Variants in SULT6B1 observed in about 807,000 individuals in gnomAD.
SULT6B1 encodes sulfotransferase family 6B member 1.
Under a neutral mutation model 37.2 loss-of-function variants are expected in SULT6B1, and 44 were observed. That is an observed-to-expected ratio of 1.18 (90% CI 0.93 to 1.52). SULT6B1 has a LOEUF of 1.52. Ranked by LOEUF, SULT6B1 falls within the 40% of genes most tolerant of loss-of-function variation. SULT6B1 has a pLI of 0.00. For synonymous variants in SULT6B1, 140 were observed against 126.0 expected, an observed-to-expected ratio of 1.11 and a Z score of -0.74; for missense variants, 450 against 361.0, an observed-to-expected ratio of 1.25 and a Z score of -2.00.
At position 37,167,958 on chromosome 2, in the gene SULT6B1, A is replaced by G; in HGVS notation, c.889T>C (p.Tyr297His). 2 of 1,597,492 alleles carry G rather than the reference A, an allele frequency of 1.3e-6. No individual in the cohort carries two copies. Among genetic ancestry groups the G allele is most frequent in the Non-Finnish European group, 1.7e-6 (2 of 1,176,286 alleles). ...AGTSLGAKLKYESYCQG is the reference protein window; with the variant it reads ...AGTSLGAKLKHESYCQG ...AATCAACCCTGGCAATATGATTCAT[A>G]CTTCAACTTTGCTCCGAGGGAGGTG... is the stretch of plus-strand genomic sequence containing the variant. The change falls in exon 7 of 7, where the codon TAT (tyrosine) becomes CAT (histidine). Residue 297 changes from tyrosine (Y) to histidine (H), a missense_variant. Coordinates refer to ENST00000535679, the MANE Select transcript of SULT6B1 (RefSeq NM_001367551.1).
At chr2:37,189,465 A>C (rs778140244), upstream of SULT6B1, among the ~76,000 whole-genome samples, 5 of 152,236 alleles carry the variant, frequency 3.3e-5, no homozygotes, top group Admixed American at 6.5e-5. Context: ...CTTCAAGTAC[A>C]AGTGCAAAAT....
chr2:37,191,287 T>A (rs1016520938), upstream of SULT6B1: 2 of 151,776 alleles, frequency 1.3e-5, no homozygotes, highest in African/African-American at 4.8e-5. Context: ...AAAAATCTTA[T>A]TTTCTGAGGA....
chr2:37,173,016 C>A (rs1225972350), intron 5 of SULT6B1, among the ~76,000 whole-genome samples: 1 of 151,758 alleles, frequency 6.6e-6, no homozygotes. Context: ...CCACACCCAG[C>A]TAATTTTTGT....
At chr2:37,180,211 G>T (rs901304833) in intron 3 of SULT6B1, among the ~76,000 whole-genome samples, 21 of 152,328 alleles carry the variant, frequency 1.4e-4, no homozygotes, top group Admixed American at 9.1e-4. Flanking sequence ...TCTATTTCAA[G>T]AACTGAGGAA....
chr2:37,169,786 T>G (rs1676256892), intron 6 of SULT6B1, among the ~76,000 whole-genome samples: 1 of 152,128 alleles, frequency 6.6e-6, no homozygotes, highest in African/African-American at 2.4e-5. Context: ...AGCCACCATG[T>G]CCGGCCTTAG....
Position 37,183,513 on chromosome 2 carries a change from C to G in SULT6B1, c.314G>C (p.Arg105Thr). 1.2e-6 allele frequency: 2 copies of G among 1,612,730 alleles called. No homozygotes were observed. Among genetic ancestry groups the G allele is most frequent in the Non-Finnish European group, 1.7e-6 (2 of 1,178,762 alleles). The stretch of plus-strand genomic sequence containing the variant: ...CCTTGGTGATGGAAAGCCTTTCATT[C>G]TCTTAAAAATATACACAAAAAGGTG... Reference protein sequence around the residue: ...LECGDSEKYQRMKGFPSPRIL... With the variant: ...LECGDSEKYQTMKGFPSPRIL... The change falls in exon 3 of 7, where the codon AGA becomes ACA. Residue 105 changes from arginine (R) to threonine (T), a missense_variant and splice_region_variant. By Grantham distance (71) the Arg-to-Thr change is moderately conservative (BLOSUM62 -1). Transcript: ENST00000535679.
intron 1 of SULT6B1, 98 bp from the exon 2 acceptor site, chr2:37,187,565 A>T (rs1397922646): frequency 1.6e-6 from 1 of 641,002 alleles, no homozygotes; most frequent in Non-Finnish European, 2.6e-6. Context: ...AAAATCTACA[A>T]CCATTCCCTG....
intron 1 of SULT6B1, among the ~76,000 whole-genome samples, chr2:37,195,502 G>A (rs544893272): frequency 6.6e-6 from 1 of 152,280 alleles, no homozygotes; most frequent in Admixed American, 6.5e-5. Context: ...TTTACTTGGC[G>A]TGGACAGAGT....
Position 37,188,572 on chromosome 2 carries a change from G to T in SULT6B1, c.69C>A (p.Leu23=). 6.3e-7 allele frequency: 1 copy of T among 1,586,458 alleles called. No individual in the cohort carries two copies. The highest frequency in any genetic ancestry group is 1.1e-5 in the South Asian group (1 of 90,490). The change falls in exon 1 of 7, where the codon CTC becomes CTA. Residue 23 remains leucine (L), a synonymous_variant. Coordinates refer to ENST00000535679, the MANE Select transcript of SULT6B1 (RefSeq NM_001367551.1). ...CCTGATAGGTGAAAAATAAATGAGAGAGTGCAGTTTCTTTTGATTTTTCTA... is the reference window on the plus strand; with the variant it reads ...CCTGATAGGTGAAAAATAAATGAGATAGTGCAGTTTCTTTTGATTTTTCTA... ...EALEKSKETA[L]SHLFFTYQGI...
Position 37,168,084 on chromosome 2 carries a change from A to AG in SULT6B1, c.782-20dup. ...ACTTCACCTACAACACACAAAAAAC[A>AG]GTAGACCCAGATATCTGTTAGAATA... On this transcript the variant is annotated intron_variant, in intron 6 of 6. Transcript: ENST00000535679. The AG allele has an allele frequency of 1.0e-5, 16 of 1,562,976 alleles. No individual in the cohort carries two copies. The highest frequency in any genetic ancestry group is 1.4e-5 in the Non-Finnish European group (16 of 1,162,722).
intron 5 of SULT6B1, among the ~76,000 whole-genome samples, chr2:37,173,781 C>G (rs544029803): frequency 6.6e-6 from 1 of 152,332 alleles, no homozygotes; most frequent in East Asian, 1.9e-4. Context: ...CTGCATGGCC[C>G]CTTCTTGGCC....
At chr2:37,190,550 G>T (rs1393016066), upstream of SULT6B1, among the ~76,000 whole-genome samples, 1 of 152,192 alleles carries the variant, frequency 6.6e-6, no homozygotes, top group East Asian at 1.9e-4. Context: ...ACCTTTTGCA[G>T]TTAGGTTAAT....
chr2:37,178,663 A>C lies in SULT6B1; in HGVS notation c.529+795T>G, dbSNP rs140402440. 2.6e-5 allele frequency among the ~76,000 whole-genome samples: 4 copies of C among 152,366 alleles called. No homozygotes were observed. In the East Asian group the frequency reaches 7.7e-4, roughly 29 times the overall value. ...CTACTTTAGCACCTGGAGCATTAAT[A>C]GACACTTAGAGTTATCAATAAACCA... On this transcript the variant is annotated intron_variant, in intron 4 of 6. Transcript: ENST00000535679.
At chr2:37,188,213 C>A (rs1407003770) in intron 1 of SULT6B1, among the ~76,000 whole-genome samples, 1 of 152,186 alleles carries the variant, frequency 6.6e-6, no homozygotes, top group East Asian at 1.9e-4. Context: ...CATCCTCCAT[C>A]ATGGCCTTTC....
intron 3 of SULT6B1, among the ~76,000 whole-genome samples, chr2:37,180,135 C>G (rs1363025127): frequency 6.6e-6 from 1 of 152,154 alleles, no homozygotes; most frequent in Non-Finnish European, 1.5e-5. Flanking sequence ...ACTGAAACCC[C>G]AGAGAACCAA....
intron 6 of SULT6B1, among the ~76,000 whole-genome samples, chr2:37,170,488 T>G: frequency 7.3e-6 from 1 of 137,252 alleles, no homozygotes; most frequent in Non-Finnish European, 1.6e-5. Flanking sequence ...ATAAAATAAA[T>G]AAGAGAGAGG....
chr2:37,179,682 C>T lies in SULT6B1; in HGVS notation c.403-98G>A, dbSNP rs11569748. The T allele has an allele frequency of 2.1e-3, 2,196 of 1,065,860 alleles. 32 individuals carry two copies. The African/African-American group carries it at 0.03, about 15-fold the overall frequency. The allele number at this position is 1,065,860 out of a possible 1,614,324, so 66.0% of individuals were successfully genotyped here. On this transcript the variant is annotated intron_variant, in intron 3 of 6. Coordinates refer to ENST00000535679, the MANE Select transcript of SULT6B1 (RefSeq NM_001367551.1). The stretch of plus-strand genomic sequence containing the variant: ...TATCATCATGTCCACTCGTATATTA[C>T]ATAATTGTGTTAATATATAGAGAAA...
chr2:37,191,018 G>C (rs1432472546), upstream of SULT6B1: 1 of 152,078 alleles, frequency 6.6e-6, no homozygotes, highest in Admixed American at 6.6e-5. Flanking sequence ...GAAGGGGTAA[G>C]AGGGGAGGGA....
In SULT6B1 at chr2:37,181,000, T is replaced by C. The variant is rs147814537; in HGVS notation, c.403-1416A>G. Among the ~76,000 whole-genome samples, 732 of 152,348 alleles carry C rather than the reference T, an allele frequency of 4.8e-3. 8 individuals carry two copies. The highest frequency in any genetic ancestry group is 0.017 in the African/African-American group (702 of 41,580). ...CTCTTGGCTGGGTAATAGTTAATGT[T>C]TTAATGAATCATTTAGGTAAAGATA... On this transcript the variant is annotated intron_variant, in intron 3 of 6. Transcript: ENST00000535679.
Sources: gnomAD v4.1 joint callset for allele counts (sites outside exome capture counted in the v4.1 genomes callset) on GRCh38, gnomAD v4.1.1 for gene constraint, MANE v1.5 for transcripts, NCBI Gene and HGNC (gene_info 2026-07-23, HGNC 2026-07-21) for gene names.